YY1AP1: variants seen among roughly 807,000 people sequenced by gnomAD.
The protein encoded by YY1AP1 is YY1-associated protein 1.
YY1AP1 carries 43 observed loss-of-function variants against 39.9 expected under a neutral mutation model. The ratio of observed to expected loss-of-function variants is 1.08; its 90% CI spans 0.84 to 1.39. The LOEUF (loss-of-function observed/expected upper bound fraction) is 1.39, where lower values mean the gene tolerates loss of function less well. YY1AP1 is among the 40% of genes most tolerant of loss of function. The pLI is 0.00. For synonymous variants in YY1AP1, 292 were observed against 331.3 expected (o/e 0.88, Z 1.29); for missense variants, 813 against 900.7 (o/e 0.90, Z 1.25).
In YY1AP1 at chr1:155,680,321, C is replaced by G. The variant is rs548597859; in HGVS notation, c.21+95G>C. The G allele has an allele frequency of 2.0e-4, 290 of 1,415,528 alleles. 2 individuals are homozygous for G. The South Asian group carries it at 3.4e-3, about 17-fold the overall frequency. 87.7% of individuals were successfully genotyped at this position (1,415,528 alleles called of 1,614,324 possible). On this transcript the variant is annotated intron_variant, in intron 3 of 10. Transcript: ENST00000355499. ...GACTAAAAGGAGAATTGGTTCAGTC[C>G]CTCTTCTAGAAGGAGCATCACAGAG...
intron 2 of YY1AP1, chr1:155,687,847 C>T (rs1652710975): frequency 1.9e-6 from 1 of 514,730 alleles, no homozygotes; most frequent in Non-Finnish European, 3.4e-6. Flanking sequence ...GCTTACTTCC[C>T]AGCCCCCTCC....
intron 9 of YY1AP1, among the ~76,000 whole-genome samples, chr1:155,664,276 C>T (rs1157470456): frequency 1.3e-5 from 2 of 151,924 alleles, no homozygotes; most frequent in Non-Finnish European, 2.9e-5. Flanking sequence ...ATTATTTTTT[C>T]CTTTTATTTT....
chr1:155,674,880 G>A (rs1191013255), intron 6 of YY1AP1, 130 bp downstream of exon 6: 3 of 743,106 alleles, frequency 4.0e-6, no homozygotes, highest in Non-Finnish European at 6.8e-6. Context: ...TGAATCAGTG[G>A]CTTATGTTCA....
In YY1AP1 at chr1:155,675,008, A is replaced by C; in HGVS notation, c.411+2T>G. ...TAGAATTACGGCAATTTGGAAACTT[A>C]CAAGACATATCCTGGTGCTACTGGC... On this transcript the variant is annotated splice_donor_variant, in intron 6 of 10. Coordinates refer to ENST00000355499, the MANE Select transcript of YY1AP1 (RefSeq NM_139119.3). LOFTEE classifies it high-confidence loss of function. The C allele has an allele frequency of 6.2e-7, 1 of 1,612,862 alleles. No homozygotes were observed. Among genetic ancestry groups the C allele is most frequent in the Non-Finnish European group, 8.5e-7 (1 of 1,178,952 alleles).
At chr1:155,672,203 C>T (rs951055259) in intron 7 of YY1AP1, 1 of 339,906 alleles carries the variant, frequency 2.9e-6, no homozygotes, top group African/African-American at 2.1e-5. Flanking sequence ...TAAACATGAC[C>T]GAACTTTACC....
chr1:155,688,064 T>C lies in YY1AP1; in HGVS notation c.-21+7A>G, dbSNP rs1652787009. ...GCCCGAATGCCGGCCCAAATCGTTC[T>C]ACTCACCGTGTCGGAGGCCGAGAGC... On this transcript the variant is annotated splice_region_variant and intron_variant, in intron 2 of 10. Transcript: ENST00000355499. 3.8e-6 allele frequency: 6 copies of C among 1,571,944 alleles called. No individual in the cohort carries two copies. The Admixed American group carries it at 9.0e-5, about 24-fold the overall frequency.
chr1:155,688,893 T>A, upstream of YY1AP1: 1 of 1,612,328 alleles, frequency 6.2e-7, no homozygotes, highest in Non-Finnish European at 8.5e-7. Flanking sequence ...TTGACTGGAA[T>A]TGCCAGGGTG....
chr1:155,676,612 T>G lies in YY1AP1; in HGVS notation c.260A>C (p.Glu87Ala). Residue 87 changes from glutamate to alanine, a missense_variant, in exon 5 of 11, where the codon GAA (glutamate) becomes GCA (alanine). By Grantham distance (107) the Glu-to-Ala change is moderately radical. Coordinates refer to ENST00000355499, the MANE Select transcript of YY1AP1 (RefSeq NM_139119.3). The part of the protein sequence containing the change: ...EVEKVKPQCK[E>A]VHQTLILDPA... The stretch of plus-strand genomic sequence containing the variant: ...GTCCAGAATCAGGGTCTGATGAACT[T>G]CCTTACACTGGGGTTTAACCTTCTC... 12 of 1,614,202 alleles carry G rather than the reference T, an allele frequency of 7.4e-6. No homozygotes were observed. The highest frequency in any genetic ancestry group is 1.0e-5 in the Non-Finnish European group (12 of 1,180,040).
chr1:155,680,962 G>A (rs749613108), intron 2 of YY1AP1, among the ~76,000 whole-genome samples: 45 of 152,018 alleles, frequency 3.0e-4, no homozygotes, highest in Non-Finnish European at 5.7e-4. Context: ...ATGAGAGAGA[G>A]AGAGAGTTCT....
chr1:155,666,174 T>G (rs1284109383), intron 9 of YY1AP1, among the ~76,000 whole-genome samples: 1 of 151,442 alleles, frequency 6.6e-6, no homozygotes, highest in African/African-American at 2.4e-5. Flanking sequence ...AAGACTGGAG[T>G]GCAGTGGCGC....
intron 2 of YY1AP1, among the ~76,000 whole-genome samples, chr1:155,684,885 C>A (rs1210033684): frequency 1.3e-5 from 2 of 152,160 alleles, no homozygotes; most frequent in South Asian, 2.1e-4. Flanking sequence ...CCCACCTGAC[C>A]AATTTCTTGT....
Position 155,668,744 on chromosome 1 carries a change from C to G in YY1AP1, c.762G>C (p.Gly254=). The G allele has an allele frequency of 3.7e-6, 6 of 1,614,122 alleles. No individual in the cohort carries two copies. The highest frequency in any genetic ancestry group is 5.1e-6 in the Non-Finnish European group (6 of 1,180,014). ...LLALGLKHFE[G]TEFLNPLISK... ...TGATTAGAGGGTTAAGAAACTCAGT[C>G]CCTTCAAAATGCTTCAGTCCTAAAG... The change falls in exon 9 of 11, where the codon GGG becomes GGC. Residue 254 remains glycine (G), a synonymous_variant. Transcript: ENST00000355499.
At chr1:155,665,844 T>C (rs1286683512) in intron 9 of YY1AP1, among the ~76,000 whole-genome samples, 1 of 96,970 alleles carries the variant, frequency 1.0e-5, no homozygotes, top group Non-Finnish European at 2.2e-5. Flanking sequence ...ATTCAGGAAA[T>C]AAGAGGATCT....
At chr1:155,688,809 G>A (rs181621149), upstream of YY1AP1, 718 of 1,549,480 alleles carry the variant, frequency 4.6e-4, 4 homozygotes, top group Middle Eastern at 2.4e-3. Flanking sequence ...AGTCCCCACC[G>A]CGGGACTGTT....
chr1:155,675,201 C>T, intron 5 of YY1AP1, 105 bp from the exon 6 acceptor site: 1 of 1,068,962 alleles, frequency 9.4e-7, no homozygotes, highest in Non-Finnish European at 1.4e-6. Context: ...TGCTCTGTCA[C>T]ACAGCTTGGA....
At chr1:155,661,550 CAAGACCACAT>C in intron 9 of YY1AP1, 127 bp from the exon 10 acceptor site, 1 of 1,448,862 alleles carries the variant, frequency 6.9e-7, no homozygotes, top group Non-Finnish European at 9.6e-7. Flanking sequence ...CACACACACA[CAAGACCACAT>C]ACACAAACAT....
At chr1:155,681,348 A>G (rs568504632) in intron 2 of YY1AP1, among the ~76,000 whole-genome samples, 2 of 152,240 alleles carry the variant, frequency 1.3e-5, no homozygotes, top group South Asian at 2.1e-4. Context: ...TTATAATTAG[A>G]TGGCCTATCC....
chr1:155,684,362 G>A (rs1215663948), intron 2 of YY1AP1, among the ~76,000 whole-genome samples: 2 of 152,066 alleles, frequency 1.3e-5, no homozygotes, highest in African/African-American at 2.4e-5. Context: ...CATATCACAT[G>A]TACGTTTTGA....
intron 2 of YY1AP1, among the ~76,000 whole-genome samples, chr1:155,687,661 C>T (rs1338196768): frequency 2.1e-5 from 3 of 146,224 alleles, no homozygotes; most frequent in Non-Finnish European, 4.4e-5. Context: ...TACCGTTCAA[C>T]GCGGCAGGGA....
Sources: allele counts gnomAD v4.1 joint callset (sites outside exome capture counted in the v4.1 genomes callset), GRCh38; gene constraint gnomAD v4.1.1; transcripts MANE v1.5; gene names NCBI Gene and HGNC (gene_info 2026-07-23, HGNC 2026-07-21).